Variants in SMG6 observed in about 807,000 individuals in gnomAD.
SMG6 encodes the protein SMG6 nonsense mediated mRNA decay factor, also known as telomerase-binding protein EST1A.
In SMG6, 66 loss-of-function variants were observed where a neutral mutation model predicts 142.2. The ratio of observed to expected loss-of-function variants is 0.46; its 90% confidence interval spans 0.38 to 0.57. The LOEUF (loss-of-function observed/expected upper bound fraction) is 0.57. SMG6 is among the 20% of genes least tolerant of loss of function. The probability of loss-of-function intolerance (pLI) is 0.00; values close to 1 mark genes in which losing one functional copy is unlikely to be tolerated. For synonymous variants in SMG6, 779 were observed against 702.4 expected, an observed-to-expected ratio of 1.11 and a Z score of -1.72; for missense variants, 1,793 against 1,832.0, an observed-to-expected ratio of 0.98 and a Z score of 0.39.
At chr17:2,252,864 C>T (rs1468657899) in intron 8 of SMG6, among the ~76,000 whole-genome samples, 1 of 151,870 alleles carries the variant, frequency 6.6e-6, no homozygotes, top group Non-Finnish European at 1.5e-5. Flanking sequence ...ATGTAGCCTG[C>T]CACCTGTTTT....
intron 10 of SMG6, among the ~76,000 whole-genome samples, chr17:2,223,793 G>T (rs934677997): frequency 3.3e-5 from 5 of 152,102 alleles, no homozygotes; most frequent in African/African-American, 1.2e-4. Context: ...GACACCATTT[G>T]CCATAAGACT....
At chr17:2,159,590 T>A (rs776266570) in intron 13 of SMG6, among the ~76,000 whole-genome samples, 14 of 152,136 alleles carry the variant, frequency 9.2e-5, no homozygotes, top group Non-Finnish European at 1.9e-4. Context: ...TATAAAAGGG[T>A]GTAATCACTT....
At chr17:2,229,311 C>T (rs1357704093) in intron 10 of SMG6, 1 of 152,244 alleles carries the variant, frequency 6.6e-6, no homozygotes, top group African/African-American at 2.4e-5. Context: ...TGACTTACCC[C>T]AACTCTCTTA....
At chr17:2,159,043 C>T (rs991396617) in intron 13 of SMG6, among the ~76,000 whole-genome samples, 4 of 152,024 alleles carry the variant, frequency 2.6e-5, no homozygotes, top group African/African-American at 9.7e-5. Flanking sequence ...AAATGGCCAA[C>T]AGATTAGAAC....
chr17:2,088,546 T>G, intron 13 of SMG6: 1 of 985,462 alleles, frequency 1.0e-6, no homozygotes, highest in Non-Finnish European at 1.2e-6. Flanking sequence ...CAAAAGGCTG[T>G]GATCTACTGG....
At chr17:2,219,440 T>C (rs1012918021) in intron 10 of SMG6, among the ~76,000 whole-genome samples, 4 of 151,796 alleles carry the variant, frequency 2.6e-5, no homozygotes, top group African/African-American at 7.3e-5. Context: ...AGGAAGGTGG[T>C]TGCTGGACAT....
chr17:2,076,648 G>A (rs2068267862), intron 15 of SMG6, among the ~76,000 whole-genome samples: 1 of 152,192 alleles, frequency 6.6e-6, no homozygotes. Flanking sequence ...TACGTTCAAG[G>A]CTGGAAAATG....
chr17:2,249,182 C>T (rs547556512), intron 8 of SMG6, among the ~76,000 whole-genome samples: 6 of 152,224 alleles, frequency 3.9e-5, no homozygotes, highest in South Asian at 4.1e-4. Context: ...CGTGAGCCAC[C>T]GCGAGAACTC....
rs112246827 is a variant in SMG6 at position 2,264,901 on chromosome 17, C to CA, written c.2661+17745dup. Among the ~76,000 whole-genome samples, 946 of 117,500 alleles carry CA rather than the reference C, an allele frequency of 8.1e-3. 5 individuals are homozygous for CA. Among genetic ancestry groups the CA allele is most frequent in the Middle Eastern group, 0.013 (3 of 234 alleles). The allele number at this position is 117,500 out of a possible 152,430, so 77.1% of individuals were successfully genotyped here. A position where few individuals can be genotyped will look rare whatever the true frequency, so the allele number is the denominator to read the frequency against. ...TGGGTGACAGAACGAAACCCCATCT[C>CA]AAAAAAAAAAAAAAAATTTCCTTAA... On this transcript the variant is annotated intron_variant, in intron 8 of 18. Coordinates refer to ENST00000263073, the MANE Select transcript of SMG6 (RefSeq NM_017575.5).
intron 15 of SMG6, among the ~76,000 whole-genome samples, chr17:2,078,764 G>A (rs896361956): frequency 6.6e-6 from 1 of 152,152 alleles, no homozygotes; most frequent in African/African-American, 2.4e-5. Context: ...ATGGTGGTGA[G>A]GAAGCCCAGG....
chr17:2,280,326 G>A (rs564020103), intron 8 of SMG6, among the ~76,000 whole-genome samples: 2 of 152,018 alleles, frequency 1.3e-5, no homozygotes, highest in South Asian at 2.1e-4. Context: ...GCAGTGGCAC[G>A]ATCTCGGCTC....
At chr17:2,279,001 C>G (rs916517376) in intron 8 of SMG6, among the ~76,000 whole-genome samples, 1 of 152,150 alleles carries the variant, frequency 6.6e-6, no homozygotes, top group African/African-American at 2.4e-5. Flanking sequence ...AGTGAACACA[C>G]TAGATATGAC....
At chr17:2,174,269 C>T (rs1418885430) in intron 12 of SMG6, among the ~76,000 whole-genome samples, 1 of 152,168 alleles carries the variant, frequency 6.6e-6, no homozygotes, top group Non-Finnish European at 1.5e-5. Flanking sequence ...GGAATCTCCC[C>T]AGTGGAGTTA....
At chr17:2,269,068 T>C (rs942420174) in intron 8 of SMG6, among the ~76,000 whole-genome samples, 2 of 151,278 alleles carry the variant, frequency 1.3e-5, no homozygotes, top group African/African-American at 4.9e-5. Flanking sequence ...GCTGGGCATG[T>C]TGGCAGGCGC....
At position 2,299,113 on chromosome 17, in the gene SMG6, T is replaced by G; in HGVS notation, c.1640A>C (p.Tyr547Ser). 6.2e-7 allele frequency: 1 copy of G among 1,613,842 alleles called. No individual in the cohort carries two copies. Among genetic ancestry groups the G allele is most frequent in the South Asian group, 1.1e-5 (1 of 91,048 alleles). Residue 547 changes from tyrosine (Y) to serine (S), a missense_variant, in exon 2 of 19, where the codon TAC becomes TCC. By Grantham distance (144) the Tyr-to-Ser change is moderately radical. Coordinates refer to ENST00000263073, the MANE Select transcript of SMG6 (RefSeq NM_017575.5). The surrounding 1 kb of genome is among the most constrained non-coding windows in gnomAD (Gnocchi z 4.3). ...GVYPGPYYPG[Y>S]PTPSGQYVCS... ...CACATACTGTCCTGACGGAGTCGGG[T>G]AGCCTGGGTAGTAAGGCCCTGGGTA...
At position 2,300,013 on chromosome 17, in the gene SMG6, G is replaced by A; in HGVS notation, c.740C>T (p.Ser247Leu). The change falls in exon 2 of 19, where the codon TCA (serine) becomes TTA (leucine). Residue 247 changes from serine (S) to leucine (L), a missense_variant. Physicochemically the swap from Ser to Leu is moderately radical, Grantham distance 145. Coordinates refer to ENST00000263073, the MANE Select transcript of SMG6 (RefSeq NM_017575.5). ...GCGGTAGCGATTCCTTCGTTTGTCTGAGCGGGAGTAGCGCTTTGCGGAGCC... is the reference window on the plus strand; with the variant it reads ...GCGGTAGCGATTCCTTCGTTTGTCTAAGCGGGAGTAGCGCTTTGCGGAGCC... Reference protein sequence around the residue: ...RPGSAKRYSRSDKRRNRYRTR... With the variant: ...RPGSAKRYSRLDKRRNRYRTR... 1 of 1,614,150 alleles carries A rather than the reference G, an allele frequency of 6.2e-7. No homozygotes were observed. The highest frequency in any genetic ancestry group is 8.5e-7 in the Non-Finnish European group (1 of 1,180,044).
At chr17:2,151,396 C>T (rs1222425576) in intron 13 of SMG6, among the ~76,000 whole-genome samples, 1 of 152,212 alleles carries the variant, frequency 6.6e-6, no homozygotes, top group Non-Finnish European at 1.5e-5. Flanking sequence ...CTACAAGTTG[C>T]TGTTTGCTTA....
At chr17:2,290,603 G>A (rs1350539749) in intron 6 of SMG6, among the ~76,000 whole-genome samples, 1 of 152,190 alleles carries the variant, frequency 6.6e-6, no homozygotes, top group Non-Finnish European at 1.5e-5. Context: ...TAACTGGTAA[G>A]ATGGATTTCA....
intron 13 of SMG6, among the ~76,000 whole-genome samples, chr17:2,154,341 G>A (rs1382953274): frequency 1.4e-5 from 2 of 142,428 alleles, no homozygotes; most frequent in African/African-American, 5.2e-5. Flanking sequence ...TGACGGTGAC[G>A]GGGGGGAATC....
Sources: gnomAD v4.1 joint callset for allele counts (sites outside exome capture counted in the v4.1 genomes callset) on GRCh38, gnomAD v4.1.1 for gene constraint, Gnocchi (gnomAD v3.1) non-coding constraint, MANE v1.5 for transcripts, NCBI Gene and HGNC (gene_info 2026-07-23, HGNC 2026-07-21) for gene names.